PDZD2: variants seen among roughly 807,000 people sequenced by gnomAD.
The protein encoded by PDZD2 is PDZ domain containing 2, also known as PDZ domain-containing protein 2.
A neutral mutation model predicts 220.7 loss-of-function variants in PDZD2; 90 were observed. The ratio of observed to expected loss-of-function variants is 0.41; its 90% CI spans 0.34 to 0.49. The LOEUF is 0.49. PDZD2 is among the 20% of genes least tolerant of loss of function. The pLI, the probability that PDZD2 is intolerant of heterozygous loss-of-function variation, is 0.28. For missense variants in PDZD2, 3,174 were observed against 3,608.5 expected (o/e 0.88, Z 3.08); for synonymous variants, 1,375 against 1,450.5 (o/e 0.95, Z 1.18).
At chr5:31,717,797 G>A (rs1397747174) in intron 1 of PDZD2, among the ~76,000 whole-genome samples, 1 of 152,192 alleles carries the variant, frequency 6.6e-6, no homozygotes, top group Non-Finnish European at 1.5e-5. Context: ...GGACAGTGCA[G>A]GAGGGAAGGC....
At chr5:31,925,898 C>A (rs1280486287) in intron 2 of PDZD2, among the ~76,000 whole-genome samples, 22 of 152,052 alleles carry the variant, frequency 1.4e-4, no homozygotes, top group Admixed American at 1.3e-3. Context: ...CAAATTAAAA[C>A]CACCATGAGA....
intron 23 of PDZD2, chr5:32,099,678 A>G (rs1744069936): frequency 6.6e-6 from 1 of 152,190 alleles, no homozygotes; most frequent in African/African-American, 2.4e-5. Flanking sequence ...TAAACTGTCA[A>G]AGGAAACCAC....
In PDZD2 at chr5:31,995,681, G is replaced by C. The variant is rs778496147; in HGVS notation, c.1084G>C (p.Val362Leu). 1 of 1,613,930 alleles carries C rather than the reference G, an allele frequency of 6.2e-7. No individual in the cohort carries two copies. Among genetic ancestry groups the C allele is most frequent in the Admixed American group, 1.7e-5 (1 of 59,998 alleles). ...ATCAAAGCGCTCACCTCACGCTATC[G>C]TTGTCACTCAAGTGAAGGAAGGAGG... ...RGSKRSPHAI[V>L]VTQVKEGGAA... Residue 362 changes from valine (V) to leucine (L), a missense_variant, in exon 4 of 25, where the codon GTT becomes CTT. This residue lies in a region of PDZD2 where 632 missense variants were observed against 708.1 expected (regional missense o/e 0.89). Transcript: ENST00000438447.
At chr5:31,808,424 G>A (rs1754869239) in intron 2 of PDZD2, among the ~76,000 whole-genome samples, 1 of 152,222 alleles carries the variant, frequency 6.6e-6, no homozygotes, top group Admixed American at 6.5e-5. Context: ...AAGTGTAAGT[G>A]AAGCATTACG....
intron 2 of PDZD2, among the ~76,000 whole-genome samples, chr5:31,884,186 T>C (rs1740206397): frequency 6.6e-6 from 1 of 151,746 alleles, no homozygotes; most frequent in Non-Finnish European, 1.5e-5. Flanking sequence ...GCACTCCAGC[T>C]TGGGCAACAG....
rs12659669 is a variant in PDZD2, at chr5:31,788,679, A to T, written c.-360-10210A>T. Among the ~76,000 whole-genome samples the T allele has an allele frequency of 7.1e-4, 36 of 50,856 alleles. 1 individual carries two copies. Among genetic ancestry groups the T allele is most frequent in the Middle Eastern group, 0.011 (1 of 92 alleles). 33.4% of individuals were successfully genotyped at this position (50,856 alleles called of 152,430 possible). A position where few individuals can be genotyped will look rare whatever the true frequency, so the allele number is the denominator to read the frequency against. ...AGACTCTGTCTCAAAATAAATAAAT[A>T]AATTAAATAAATAAAATAAAATTAG... On this transcript the variant is annotated intron_variant, in intron 1 of 24. Transcript: ENST00000438447.
chr5:31,803,653 A>G (rs1754536972), intron 2 of PDZD2, among the ~76,000 whole-genome samples: 1 of 152,036 alleles, frequency 6.6e-6, no homozygotes, highest in Non-Finnish European at 1.5e-5. Flanking sequence ...AGCTCTACTC[A>G]CAAGGGAGTC....
At chr5:32,013,765 C>T (rs576778907) in intron 6 of PDZD2, among the ~76,000 whole-genome samples, 7 of 152,292 alleles carry the variant, frequency 4.6e-5, no homozygotes, top group African/African-American at 7.2e-5. Context: ...GTGCACCAGA[C>T]GGGACACCAC....
At chr5:32,022,364 ATTTTTT>A (rs59655326) in intron 6 of PDZD2, among the ~76,000 whole-genome samples, 1 of 137,372 alleles carries the variant, frequency 7.3e-6, no homozygotes, top group African/African-American at 2.7e-5. Context: ...CTCACAGCTA[ATTTTTT>A]TTTTTTTTTG....
At chr5:31,964,690 C>T (rs2065583021) in intron 2 of PDZD2, among the ~76,000 whole-genome samples, 1 of 152,166 alleles carries the variant, frequency 6.6e-6, no homozygotes, top group South Asian at 2.1e-4. Context: ...TTGGTTGGTA[C>T]AAAACTAATT....
At chr5:31,766,927 C>G (rs566366333) in intron 1 of PDZD2, among the ~76,000 whole-genome samples, 40 of 151,470 alleles carry the variant, frequency 2.6e-4, no homozygotes, top group African/African-American at 9.5e-4. Flanking sequence ...TGGGTTTCAT[C>G]ATGTTGGGCA....
At chr5:31,997,756 G>A (rs1751753882) in intron 4 of PDZD2, among the ~76,000 whole-genome samples, 1 of 152,086 alleles carries the variant, frequency 6.6e-6, no homozygotes, top group Non-Finnish European at 1.5e-5. Context: ...TGAGCCTCTG[G>A]GCTATACGAT....
intron 1 of PDZD2, among the ~76,000 whole-genome samples, chr5:31,673,242 C>T (rs568773980): frequency 9.2e-5 from 14 of 152,286 alleles, no homozygotes; most frequent in South Asian, 4.1e-4. Flanking sequence ...AGGACAGGCC[C>T]GCCCTGCACA....
intron 2 of PDZD2, among the ~76,000 whole-genome samples, chr5:31,923,122 C>T (rs1004094075): frequency 5.0e-4 from 76 of 151,578 alleles, no homozygotes; most frequent in Admixed American, 4.3e-3. Flanking sequence ...GTGAAACCCC[C>T]GTCTATACTA....
At chr5:31,662,964 T>C (rs907607896) in intron 1 of PDZD2, among the ~76,000 whole-genome samples, 1 of 152,018 alleles carries the variant, frequency 6.6e-6, no homozygotes, top group African/African-American at 2.4e-5. Context: ...ACTATGGAGG[T>C]TAGGATTTCA....
intron 6 of PDZD2, among the ~76,000 whole-genome samples, chr5:32,030,730 C>T (rs530110325): frequency 2.0e-5 from 3 of 152,314 alleles, no homozygotes; most frequent in African/African-American, 7.2e-5. Context: ...ATGCTGACCA[C>T]CACTGGCTCT....
In PDZD2 at chr5:32,088,329, A is replaced by C. The variant is rs779615657; in HGVS notation, c.4881A>C (p.Ser1627=). The change falls in exon 20 of 25, where the codon TCA becomes TCC. Residue 1627 remains serine, a synonymous_variant. Coordinates refer to ENST00000438447, the MANE Select transcript of PDZD2 (RefSeq NM_178140.4). This position sits in a 1 kb window ranked among gnomAD's most constrained non-coding sequence, Gnocchi z 4.6. ...CCCAGGCTGCCATCTGTCCTGCCTC[A>C]GCCAAAGTTCTGTCATTAAAATACA... ...LPTQAAICPA[S]AKVLSLKYST... The C allele has an allele frequency of 3.1e-6, 5 of 1,614,014 alleles. No homozygotes were observed. The highest frequency in any genetic ancestry group is 3.4e-6 in the Non-Finnish European group (4 of 1,180,030).
chr5:31,803,908 G>A (rs1754556538), intron 2 of PDZD2, among the ~76,000 whole-genome samples: 2 of 151,922 alleles, frequency 1.3e-5, no homozygotes, highest in African/African-American at 4.8e-5. Flanking sequence ...GCATGGTGGT[G>A]CACACCTGTA....
At chr5:32,007,522 A>C (rs891469792) in intron 5 of PDZD2, among the ~76,000 whole-genome samples, 4 of 152,182 alleles carry the variant, frequency 2.6e-5, no homozygotes, top group Non-Finnish European at 5.9e-5. Flanking sequence ...TACTGATTCA[A>C]ATTATCTTCA....
Sources: gnomAD v4.1 joint callset for allele counts (sites outside exome capture counted in the v4.1 genomes callset) on GRCh38, gnomAD v4.1.1 for gene constraint, gnomAD v4.1.1 regional missense constraint, Gnocchi (gnomAD v3.1) non-coding constraint, MANE v1.5 for transcripts, NCBI Gene and HGNC (gene_info 2026-07-23, HGNC 2026-07-21) for gene names.